CELF2: variants seen among roughly 807,000 people sequenced by gnomAD.
The protein encoded by CELF2 is CUGBP Elav-like family member 2.
A neutral mutation model predicts 62.6 loss-of-function variants in CELF2; 8 were observed. The observed-to-expected ratio is 0.13, with a 90% confidence interval of 0.07 to 0.23. The LOEUF (loss-of-function observed/expected upper bound fraction) is 0.23. Among genes scored for constraint, CELF2 ranks in the 10% least tolerant of loss-of-function variants. The pLI, the probability that CELF2 is intolerant of heterozygous loss-of-function variation, is 1.00. For missense variants in CELF2, 333 were observed against 671.0 expected, an observed-to-expected ratio of 0.50 and a Z score of 5.56; for synonymous variants, 258 against 250.0, an observed-to-expected ratio of 1.03 and a Z score of -0.30.
At chr10:10,852,959 A>G (rs2059477149) in intron 1 of CELF2, among the ~76,000 whole-genome samples, 1 of 152,164 alleles carries the variant, frequency 6.6e-6, no homozygotes, top group Admixed American at 6.5e-5. Context: ...GTTTCTGTAT[A>G]TATTATTCAA....
chr10:11,125,017 T>C (rs1006993440), intron 1 of CELF2, among the ~76,000 whole-genome samples: 2 of 152,198 alleles, frequency 1.3e-5, no homozygotes, highest in African/African-American at 4.8e-5. Context: ...TTGTGTGATA[T>C]TGTTTTACTC....
the CELF2 span, among the ~76,000 whole-genome samples, chr10:10,732,053 C>T: frequency 1.6e-4 from 24 of 152,080 alleles, no homozygotes; most frequent in African/African-American, 5.1e-4. Flanking sequence ...TATGTCCTGG[C>T]CTGGAAAAGG....
chr10:11,166,899 C>T (rs111722358), intron 2 of CELF2, among the ~76,000 whole-genome samples: 5,061 of 152,304 alleles, frequency 0.033, 117 homozygotes, highest in Non-Finnish European at 0.047. Context: ...CAGGGTCTGG[C>T]AGGGCTTTGG....
chr10:10,965,591 T>A (rs557479793), intron 2 of CELF2, among the ~76,000 whole-genome samples: 1 of 152,184 alleles, frequency 6.6e-6, no homozygotes. Flanking sequence ...CTAATACACT[T>A]TGAGAATCAT....
At chr10:11,202,889 ACCCCCATCCT>A (rs2135313421) in intron 2 of CELF2, among the ~76,000 whole-genome samples, 1 of 116,938 alleles carries the variant, frequency 8.6e-6, no homozygotes, top group East Asian at 2.6e-4. Flanking sequence ...CTGCCTTCCC[ACCCCCATCCT>A]CATCTCTCTC....
intron 2 of CELF2, chr10:11,169,154 G>GA (rs2068082892): frequency 6.6e-6 from 1 of 152,206 alleles, no homozygotes; most frequent in African/African-American, 2.4e-5. Context: ...ACAGAGCTAG[G>GA]ATACAGTAGG....
intron 2 of CELF2, among the ~76,000 whole-genome samples, chr10:10,963,119 C>T (rs1289848079): frequency 7.9e-5 from 12 of 152,108 alleles, no homozygotes; most frequent in African/African-American, 2.9e-4. Flanking sequence ...CGGCTCACTG[C>T]AGCCTTCGCC....
intron 1 of CELF2, among the ~76,000 whole-genome samples, chr10:10,906,774 G>C (rs190796568): frequency 7.4e-6 from 1 of 135,528 alleles, no homozygotes; most frequent in Non-Finnish European, 1.5e-5. Flanking sequence ...GCTGTAGTGC[G>C]GGGGCGCAAT....
At chr10:10,676,593 G>A in the CELF2 span, among the ~76,000 whole-genome samples, 2 of 152,160 alleles carry the variant, frequency 1.3e-5, no homozygotes. Flanking sequence ...TAGAGCTTTT[G>A]GTTCTCAGGC....
chr10:11,314,662 G>A lies in CELF2; in HGVS notation c.1096+404G>A, dbSNP rs191060119. The A allele has an allele frequency of 2.7e-3, 870 of 320,762 alleles. 6 individuals are homozygous for A. The highest frequency in any genetic ancestry group is 6.7e-3 in the Middle Eastern group (6 of 902). The allele number at this position is 320,762 out of a possible 1,614,324, so 19.9% of individuals were successfully genotyped here. Reference sequence around the variant, plus strand: ...CAGCTCTGCTGCCAGGCAGCTGTGGGAAGTCAGGCAGATGCTGCTCCCTCT... The same window carrying A: ...CAGCTCTGCTGCCAGGCAGCTGTGGAAAGTCAGGCAGATGCTGCTCCCTCT... On this transcript the variant is annotated intron_variant, in intron 10 of 12. Transcript: ENST00000633077. This position sits in a 1 kb window ranked among gnomAD's most constrained non-coding sequence, Gnocchi z 5.3.
the CELF2 span, among the ~76,000 whole-genome samples, chr10:10,728,526 A>T: frequency 5.9e-5 from 9 of 151,954 alleles, no homozygotes; most frequent in African/African-American, 1.9e-4. Flanking sequence ...GCACCCAGGA[A>T]GGCCTGGCAT....
chr10:10,478,488 T>C, the CELF2 span, among the ~76,000 whole-genome samples: 1 of 102,314 alleles, frequency 9.8e-6, no homozygotes, highest in Middle Eastern at 4.9e-3. Flanking sequence ...ACATTTAATT[T>C]TGTTTTGGAG....
intron 1 of CELF2, among the ~76,000 whole-genome samples, chr10:10,897,756 G>A (rs1392604562): frequency 2.0e-5 from 3 of 152,152 alleles, no homozygotes; most frequent in African/African-American, 7.2e-5. Flanking sequence ...TATATCAGCA[G>A]AAACACTGAC....
chr10:10,529,355 T>A, the CELF2 span, among the ~76,000 whole-genome samples: 1 of 152,014 alleles, frequency 6.6e-6, no homozygotes, highest in Non-Finnish European at 1.5e-5. Context: ...CTGGAAGACA[T>A]AAAGAACAAA....
rs140848692 is a variant in CELF2, at chr10:10,914,649, G to A, written c.54-5315G>A. On this transcript the variant is annotated intron_variant, in intron 1 of 13. Transcript: ENST00000636488. ...TGATGATCACACCAACGATGGTGTGGTGTTACTTTGACATCTGAGACACAG... is the reference window on the plus strand; with the variant it reads ...TGATGATCACACCAACGATGGTGTGATGTTACTTTGACATCTGAGACACAG... Among the ~76,000 whole-genome samples the A allele has an allele frequency of 5.7e-4, 86 of 152,192 alleles. 2 individuals are homozygous for A. The highest frequency in any genetic ancestry group is 4.0e-3 in the Admixed American group (61 of 15,290).
At chr10:11,250,835 A>G (rs2076910413) in intron 4 of CELF2, among the ~76,000 whole-genome samples, 1 of 152,244 alleles carries the variant, frequency 6.6e-6, no homozygotes, top group Non-Finnish European at 1.5e-5. Flanking sequence ...GAATGCCTCT[A>G]TGAAATGTTG....
chr10:10,927,590 G>T (rs2065653718), intron 2 of CELF2, among the ~76,000 whole-genome samples: 1 of 152,024 alleles, frequency 6.6e-6, no homozygotes, highest in South Asian at 2.1e-4. Flanking sequence ...AGCACACTGG[G>T]CTAATTTTGA....
chr10:10,953,920 A>C (rs944433655), intron 2 of CELF2, among the ~76,000 whole-genome samples: 1 of 152,036 alleles, frequency 6.6e-6, no homozygotes, highest in African/African-American at 2.4e-5. Flanking sequence ...TCAAAATAGC[A>C]AATACTAGTA....
At chr10:10,546,024 G>A in the CELF2 span, among the ~76,000 whole-genome samples, 1 of 152,122 alleles carries the variant, frequency 6.6e-6, no homozygotes, top group Non-Finnish European at 1.5e-5. Context: ...ACAGCCTTGT[G>A]CTAAACCCCT....
Sources: allele counts gnomAD v4.1 joint callset (sites outside exome capture counted in the v4.1 genomes callset), GRCh38; gene constraint gnomAD v4.1.1; non-coding constraint Gnocchi (gnomAD v3.1); transcripts MANE v1.5; gene names NCBI Gene and HGNC (gene_info 2026-07-23, HGNC 2026-07-21).